UNC5D: variants seen among roughly 807,000 people sequenced by gnomAD.
UNC5D encodes the protein netrin receptor UNC5D.
UNC5D carries 39 observed loss-of-function variants against 105.4 expected under a neutral mutation model. That is an observed-to-expected ratio of 0.37 (90% CI 0.29 to 0.48). The LOEUF (loss-of-function observed/expected upper bound fraction) is 0.48, where lower values mean the gene tolerates loss of function less well. Ranked by LOEUF, UNC5D falls within the 20% of genes least tolerant of loss-of-function variation. UNC5D has a pLI of 0.98. For synonymous variants in UNC5D, 452 were observed against 450.4 expected, an observed-to-expected ratio of 1.00 and a Z score of -0.04; for missense variants, 991 against 1,202.4, an observed-to-expected ratio of 0.82 and a Z score of 2.60.
At chr8:35,399,641 GA>G (rs577072065) in intron 1 of UNC5D, among the ~76,000 whole-genome samples, 8 of 152,104 alleles carry the variant, frequency 5.3e-5, no homozygotes, top group Admixed American at 2.0e-4. Flanking sequence ...TAAAGGATAA[GA>G]AAAAAGTTGA....
intron 1 of UNC5D, among the ~76,000 whole-genome samples, chr8:35,464,637 T>C (rs1809162981): frequency 6.6e-6 from 1 of 152,206 alleles, no homozygotes. Flanking sequence ...GTTTCCTTTT[T>C]TTCTTCAACT....
chr8:35,757,973 C>T (rs1218158232), intron 13 of UNC5D, among the ~76,000 whole-genome samples: 1 of 152,152 alleles, frequency 6.6e-6, no homozygotes, highest in East Asian at 1.9e-4. Context: ...ATCACTCTAG[C>T]CACATTTCAA....
chr8:35,720,088 T>C (rs1828491296), intron 8 of UNC5D, among the ~76,000 whole-genome samples: 1 of 152,066 alleles, frequency 6.6e-6, no homozygotes. Flanking sequence ...GGTTACCTGG[T>C]AGGGAGGGAG....
rs745317295 is a variant in UNC5D at position 35,568,159 on chromosome 8, G to A, written c.384G>A (p.Gly128=). 14 of 1,614,176 alleles carry A rather than the reference G, an allele frequency of 8.7e-6. No individual in the cohort carries two copies. The highest frequency in any genetic ancestry group is 1.1e-5 in the Non-Finnish European group (13 of 1,180,028). ...GGCAACAGGTGGAGGACTTCCATGG[G>A]CCCGAGGACTATTGGTGCCAGTGTG... The part of the protein sequence containing the change: ...VTRQQVEDFH[G]PEDYWCQCVA... The change falls in exon 3 of 17, where the codon GGG becomes GGA. Residue 128 remains glycine, a synonymous_variant. Coordinates refer to ENST00000404895, the MANE Select transcript of UNC5D (RefSeq NM_080872.4).
At chr8:35,450,007 T>C (rs185878431) in intron 1 of UNC5D, among the ~76,000 whole-genome samples, 2 of 152,276 alleles carry the variant, frequency 1.3e-5, no homozygotes, top group Non-Finnish European at 2.9e-5. Flanking sequence ...TTTTGACACA[T>C]GCTGATCTCT....
chr8:35,617,505 A>G (rs913874680), intron 4 of UNC5D, among the ~76,000 whole-genome samples: 1 of 152,166 alleles, frequency 6.6e-6, no homozygotes, highest in African/African-American at 2.4e-5. Context: ...ATTGCATTGC[A>G]CAGCTCTCAA....
At chr8:35,359,030 C>T (rs1345085478) in intron 1 of UNC5D, among the ~76,000 whole-genome samples, 7 of 152,014 alleles carry the variant, frequency 4.6e-5, no homozygotes, top group African/African-American at 9.7e-5. Flanking sequence ...TCACACCTGT[C>T]GTCCCATGTA....
chr8:35,767,205 G>A, intron 15 of UNC5D, 139 bp downstream of exon 15: 2 of 1,077,618 alleles, frequency 1.9e-6, no homozygotes, highest in Non-Finnish European at 2.6e-6. Context: ...TTACTGATGA[G>A]GGAAAATAAG....
chr8:35,502,893 A>G (rs943813947), intron 1 of UNC5D, among the ~76,000 whole-genome samples: 1 of 152,114 alleles, frequency 6.6e-6, no homozygotes, highest in Non-Finnish European at 1.5e-5. Context: ...TCATCCTCAC[A>G]GAAAGGATGA....
Position 35,235,701 on chromosome 8 carries a change from T to C in UNC5D, c.-84T>C. ...ACTCTCTGAAGACTCCCGAGACCCATTCGACTCGGGACCCTCATCGCCGAC... is the reference window on the plus strand; with the variant it reads ...ACTCTCTGAAGACTCCCGAGACCCACTCGACTCGGGACCCTCATCGCCGAC... On this transcript the variant is annotated 5_prime_UTR_variant, in exon 1 of 17. Transcript: ENST00000404895. 4 of 1,063,754 alleles carry C rather than the reference T, an allele frequency of 3.8e-6. No homozygotes were observed. Among genetic ancestry groups the C allele is most frequent in the Non-Finnish European group, 4.8e-6 (4 of 836,000 alleles). 65.9% of individuals were successfully genotyped at this position (1,063,754 alleles called of 1,614,324 possible).
At chr8:35,498,084 CAAAAA>C (rs58175711) in intron 1 of UNC5D, among the ~76,000 whole-genome samples, 11 of 58,146 alleles carry the variant, frequency 1.9e-4, no homozygotes, top group Non-Finnish European at 4.7e-4. Flanking sequence ...CAAAACAAAA[CAAAAA>C]AAAAAAAAAA....
At chr8:35,534,534 G>C (rs1814686518) in intron 1 of UNC5D, among the ~76,000 whole-genome samples, 1 of 151,026 alleles carries the variant, frequency 6.6e-6, no homozygotes, top group Non-Finnish European at 1.5e-5. Flanking sequence ...CGTTTACTCT[G>C]GTCTTCTGCT....
intron 1 of UNC5D, among the ~76,000 whole-genome samples, chr8:35,331,615 C>T (rs1810638138): frequency 6.6e-6 from 1 of 152,110 alleles, no homozygotes; most frequent in Admixed American, 6.5e-5. Flanking sequence ...TATGGACCAT[C>T]CTTGGAGGGG....
At chr8:35,452,980 C>T (rs1450798009) in intron 1 of UNC5D, among the ~76,000 whole-genome samples, 1 of 151,968 alleles carries the variant, frequency 6.6e-6, no homozygotes, top group Non-Finnish European at 1.5e-5. Flanking sequence ...TGTCTAGAGT[C>T]CAAAAAAAGT....
At chr8:35,430,612 C>T (rs1348560152) in intron 1 of UNC5D, among the ~76,000 whole-genome samples, 2 of 152,010 alleles carry the variant, frequency 1.3e-5, no homozygotes, top group Non-Finnish European at 2.9e-5. Flanking sequence ...GATGCTATCT[C>T]CAGGTAGATA....
intron 1 of UNC5D, among the ~76,000 whole-genome samples, chr8:35,403,867 G>A (rs1804632259): frequency 6.6e-6 from 1 of 152,168 alleles, no homozygotes; most frequent in Admixed American, 6.5e-5. Context: ...AAAATCTGCT[G>A]TCTCCTGGAC....
intron 2 of UNC5D, among the ~76,000 whole-genome samples, chr8:35,562,699 A>G (rs1024414466): frequency 6.6e-6 from 1 of 152,002 alleles, no homozygotes; most frequent in Non-Finnish European, 1.5e-5. Flanking sequence ...TGAACTCCTC[A>G]TATGTTCGGT....
At chr8:35,427,188 T>C (rs1489531130) in intron 1 of UNC5D, among the ~76,000 whole-genome samples, 1 of 152,178 alleles carries the variant, frequency 6.6e-6, no homozygotes, top group Non-Finnish European at 1.5e-5. Flanking sequence ...GTCTGACAGG[T>C]GAAATTTCCT....
At chr8:35,570,568 T>G (rs1817646928) in intron 3 of UNC5D, among the ~76,000 whole-genome samples, 1 of 152,160 alleles carries the variant, frequency 6.6e-6, no homozygotes, top group South Asian at 2.1e-4. Context: ...TAGTAATTTT[T>G]CTTTAGATTA....
Sources: gnomAD v4.1 joint callset for allele counts (sites outside exome capture counted in the v4.1 genomes callset) on GRCh38, gnomAD v4.1.1 for gene constraint, MANE v1.5 for transcripts, NCBI Gene and HGNC (gene_info 2026-07-23, HGNC 2026-07-21) for gene names.